Variants in B3GALT1 observed in about 807,000 individuals in gnomAD.
B3GALT1 encodes UDP-Gal:betaGlcNAc beta 1,3-galactosyltransferase, polypeptide 1.
In B3GALT1, 10 loss-of-function variants were observed where a neutral mutation model predicts 23.2. The ratio of observed to expected loss-of-function variants is 0.43; its 90% CI spans 0.27 to 0.73. The LOEUF is 0.73. Ranked by LOEUF, B3GALT1 falls within the 30% of genes least tolerant of loss-of-function variation. The probability of loss-of-function intolerance (pLI) is 0.21; values close to 1 mark genes in which losing one functional copy is unlikely to be tolerated. For missense variants in B3GALT1, 299 were observed against 405.4 expected, an observed-to-expected ratio of 0.74 and a Z score of 2.25; for synonymous variants, 156 against 141.5, an observed-to-expected ratio of 1.10 and a Z score of -0.73.
intron 1 of B3GALT1, among the ~76,000 whole-genome samples, chr2:167,428,999 G>T (rs937672152): frequency 6.6e-6 from 1 of 151,948 alleles, no homozygotes; most frequent in African/African-American, 2.4e-5. Context: ...AAATGTTTTG[G>T]CTGGGCACGG....
chr2:167,305,752 G>A (rs1198850762), intron 1 of B3GALT1, among the ~76,000 whole-genome samples: 1 of 151,976 alleles, frequency 6.6e-6, no homozygotes, highest in Non-Finnish European at 1.5e-5. Flanking sequence ...TGATCTTTCA[G>A]CATCTGTTTA....
intron 2 of B3GALT1, among the ~76,000 whole-genome samples, chr2:167,584,445 C>T (rs143037245): frequency 1.3e-5 from 2 of 152,272 alleles, no homozygotes; most frequent in African/African-American, 2.4e-5. Flanking sequence ...CACAGTCATA[C>T]ACTTCTGACA....
intron 2 of B3GALT1, among the ~76,000 whole-genome samples, chr2:167,528,314 C>G (rs1344984884): frequency 6.6e-6 from 1 of 152,202 alleles, no homozygotes. Flanking sequence ...TTTCTTCTAC[C>G]TAGAGACTCT....
At chr2:167,381,234 A>G (rs1362549015) in intron 1 of B3GALT1, among the ~76,000 whole-genome samples, 1 of 151,674 alleles carries the variant, frequency 6.6e-6, no homozygotes, top group Non-Finnish European at 1.5e-5. Context: ...TGCCTGGCTA[A>G]TTTTTTTTCA....
chr2:167,407,091 C>A (rs1461341767), intron 1 of B3GALT1, among the ~76,000 whole-genome samples: 1 of 152,128 alleles, frequency 6.6e-6, no homozygotes, highest in Admixed American at 6.5e-5. Context: ...ATATCTTAGA[C>A]TACAGAACAA....
At chr2:167,313,313 C>T (rs1358436091) in intron 1 of B3GALT1, among the ~76,000 whole-genome samples, 2 of 152,122 alleles carry the variant, frequency 1.3e-5, no homozygotes, top group Non-Finnish European at 2.9e-5. Context: ...CATCCCAATC[C>T]CTAAGCTATC....
intron 3 of B3GALT1, among the ~76,000 whole-genome samples, chr2:167,728,698 G>T (rs907880652): frequency 6.6e-6 from 1 of 151,944 alleles, no homozygotes; most frequent in Non-Finnish European, 1.5e-5. Flanking sequence ...AAGATTATGT[G>T]GTATTTCCAT....
At chr2:167,597,385 G>A (rs1327483535) in intron 2 of B3GALT1, among the ~76,000 whole-genome samples, 2 of 152,130 alleles carry the variant, frequency 1.3e-5, no homozygotes, top group African/African-American at 2.4e-5. Context: ...AAAGTGCTGG[G>A]ATTACAGGCA....
At chr2:167,677,824 A>T (rs1686453797) in intron 3 of B3GALT1, among the ~76,000 whole-genome samples, 1 of 152,216 alleles carries the variant, frequency 6.6e-6, no homozygotes, top group African/African-American at 2.4e-5. Context: ...CAGGAAACTT[A>T]CAATCATGGC....
chr2:167,819,513 T>C (rs1689063028), intron 4 of B3GALT1, among the ~76,000 whole-genome samples: 2 of 152,210 alleles, frequency 1.3e-5, no homozygotes, highest in Non-Finnish European at 1.5e-5. Context: ...ATCCGGACTG[T>C]GATTCAGGGA....
intron 4 of B3GALT1, among the ~76,000 whole-genome samples, chr2:167,829,130 G>A (rs1689288594): frequency 6.6e-6 from 1 of 152,180 alleles, no homozygotes; most frequent in Non-Finnish European, 1.5e-5. Flanking sequence ...GTCTCTTACT[G>A]ATTGTCTATA....
intron 2 of B3GALT1, among the ~76,000 whole-genome samples, chr2:167,566,082 C>G (rs1294752470): frequency 2.6e-5 from 4 of 151,950 alleles, no homozygotes; most frequent in African/African-American, 9.7e-5. Flanking sequence ...TTCACAATAG[C>G]AAAGACTTGG....
chr2:167,595,970 G>A (rs1422496248), intron 2 of B3GALT1, among the ~76,000 whole-genome samples: 2 of 152,144 alleles, frequency 1.3e-5, no homozygotes, highest in Non-Finnish European at 2.9e-5. Flanking sequence ...TAAGAGAAAG[G>A]CAAAGCTCCT....
intron 3 of B3GALT1, among the ~76,000 whole-genome samples, chr2:167,757,971 A>G (rs1047423243): frequency 2.0e-5 from 3 of 152,188 alleles, no homozygotes; most frequent in Non-Finnish European, 4.4e-5. Context: ...AACTCACTCA[A>G]AATATACTAA....
chr2:167,595,001 C>T (rs1364389846), intron 2 of B3GALT1, among the ~76,000 whole-genome samples: 1 of 152,158 alleles, frequency 6.6e-6, no homozygotes, highest in Non-Finnish European at 1.5e-5. Flanking sequence ...TTAAACCCAT[C>T]CCTATATATT....
intron 1 of B3GALT1, among the ~76,000 whole-genome samples, chr2:167,442,553 T>C (rs1698911428): frequency 6.6e-6 from 1 of 151,742 alleles, no homozygotes; most frequent in Non-Finnish European, 1.5e-5. Context: ...GTTTCCTGAC[T>C]TTTGAATGAT....
intron 3 of B3GALT1, among the ~76,000 whole-genome samples, chr2:167,794,043 G>C (rs1688495677): frequency 6.6e-6 from 1 of 152,302 alleles, no homozygotes; most frequent in South Asian, 2.1e-4. Flanking sequence ...AGATATCTTA[G>C]TGGAAGAGCC....
At chr2:167,716,128 C>T (rs1294638216) in intron 3 of B3GALT1, 81 of 1,449,892 alleles carry the variant, frequency 5.6e-5, no homozygotes, top group Non-Finnish European at 7.2e-5. Flanking sequence ...GTGGAGAACA[C>T]GCAGCCTTGG....
intron 3 of B3GALT1, among the ~76,000 whole-genome samples, chr2:167,668,777 G>A (rs559713632): frequency 2.6e-5 from 4 of 152,322 alleles, no homozygotes; most frequent in South Asian, 2.1e-4. Context: ...TGCGCTTCCC[G>A]AGTGAGGCAA....
Sources: gnomAD v4.1 joint callset for allele counts (sites outside exome capture counted in the v4.1 genomes callset) on GRCh38, gnomAD v4.1.1 for gene constraint, MANE v1.5 for transcripts, NCBI Gene and HGNC (gene_info 2026-07-23, HGNC 2026-07-21) for gene names.